Variants in CBR4 observed in about 807,000 individuals in gnomAD.
CBR4 encodes the protein 3-oxoacyl-[acyl-carrier-protein] reductase.
In CBR4, 22 loss-of-function variants were observed where a neutral mutation model predicts 21.0. The ratio of observed to expected loss-of-function variants is 1.05; its 90% CI spans 0.75 to 1.50. CBR4 has a LOEUF of 1.50. CBR4 is among the 40% of genes most tolerant of loss of function. The probability of loss-of-function intolerance (pLI) is 0.00; values close to 1 mark genes in which losing one functional copy is unlikely to be tolerated. For missense variants in CBR4, 302 were observed against 286.3 expected, an observed-to-expected ratio of 1.05 and a Z score of -0.40; for synonymous variants, 100 against 104.4, an observed-to-expected ratio of 0.96 and a Z score of 0.26.
intron 2 of CBR4, among the ~76,000 whole-genome samples, chr4:168,953,875 T>G (rs141358480): frequency 6.6e-6 from 1 of 152,214 alleles, no homozygotes; most frequent in African/African-American, 2.4e-5. Flanking sequence ...TATTATTAAT[T>G]TGTCCAAGCT....
chr4:168,898,929 T>C (rs953183377), intron 2 of CBR4, among the ~76,000 whole-genome samples: 1 of 152,176 alleles, frequency 6.6e-6, no homozygotes, highest in Non-Finnish European at 1.5e-5. Flanking sequence ...GTTTGAAGAA[T>C]AGAGAATAAC....
At chr4:168,984,446 AG>A (rs1165289551), downstream of CBR4, among the ~76,000 whole-genome samples, 4 of 151,872 alleles carry the variant, frequency 2.6e-5, no homozygotes, top group African/African-American at 4.8e-5. Context: ...GCTCATGGAT[AG>A]GAAGAATCAA....
At chr4:168,929,051 C>CAATGT (rs1762874535) in intron 2 of CBR4, among the ~76,000 whole-genome samples, 1 of 152,160 alleles carries the variant, frequency 6.6e-6, no homozygotes. Flanking sequence ...CCTGCCACAG[C>CAATGT]AATGTACTGT....
At chr4:168,921,835 A>C (rs1761571834) in intron 2 of CBR4, 1 of 971,872 alleles carries the variant, frequency 1.0e-6, no homozygotes, top group Non-Finnish European at 1.6e-6. Context: ...TACGGAAAAT[A>C]AAGTATTGAA....
At chr4:168,985,797 G>A (rs1377435724), downstream of CBR4, among the ~76,000 whole-genome samples, 2 of 152,156 alleles carry the variant, frequency 1.3e-5, no homozygotes, top group Admixed American at 6.5e-5. Context: ...ATGCAAAAAT[G>A]TGGCATTTGG....
chr4:168,926,035 C>T (rs1328563944), intron 2 of CBR4, among the ~76,000 whole-genome samples: 1 of 152,036 alleles, frequency 6.6e-6, no homozygotes, highest in Admixed American at 6.6e-5. Flanking sequence ...CCTGTATAGA[C>T]AGTAAATCTG....
At chr4:168,923,366 ATATC>A (rs973346329) in intron 2 of CBR4, among the ~76,000 whole-genome samples, 3 of 152,226 alleles carry the variant, frequency 2.0e-5, no homozygotes, top group African/African-American at 7.2e-5. Context: ...TTGCTGTGAT[ATATC>A]TGTCACTCCA....
chr4:169,004,432 C>T (rs1319423529), intron 3 of CBR4, among the ~76,000 whole-genome samples: 1 of 152,220 alleles, frequency 6.6e-6, no homozygotes, highest in African/African-American at 2.4e-5. Context: ...TCTTTGATAG[C>T]ATTTTATCCA....
chr4:168,950,001 C>T (rs1415432390), intron 2 of CBR4, among the ~76,000 whole-genome samples: 1 of 152,040 alleles, frequency 6.6e-6, no homozygotes, highest in Non-Finnish European at 1.5e-5. Context: ...TGGATTTTCT[C>T]TCTCCTTTTC....
chr4:168,926,610 T>C (rs961875963), intron 2 of CBR4: 11 of 446,520 alleles, frequency 2.5e-5, no homozygotes, highest in Non-Finnish European at 4.4e-5. Context: ...TACTGTCCAA[T>C]TTAAAACTTT....
At chr4:168,969,366 A>G (rs1764136734) in intron 2 of CBR4, among the ~76,000 whole-genome samples, 1 of 152,210 alleles carries the variant, frequency 6.6e-6, no homozygotes, top group Non-Finnish European at 1.5e-5. Context: ...AGAGATGCCT[A>G]TTCTCTAATC....
At chr4:169,006,456 G>A (rs917131237) in intron 3 of CBR4, among the ~76,000 whole-genome samples, 2 of 152,182 alleles carry the variant, frequency 1.3e-5, no homozygotes, top group Non-Finnish European at 2.9e-5. Context: ...AATCTAAGTG[G>A]TGGCCTCCAC....
At chr4:168,973,616 C>A (rs1286460529) in intron 2 of CBR4, among the ~76,000 whole-genome samples, 2 of 152,240 alleles carry the variant, frequency 1.3e-5, no homozygotes, top group African/African-American at 2.4e-5. Context: ...GCGTGAGCCA[C>A]CACACCCAGC....
chr4:168,965,649 G>A (rs1041322820), intron 2 of CBR4, among the ~76,000 whole-genome samples: 3 of 152,184 alleles, frequency 2.0e-5, no homozygotes, highest in Admixed American at 1.3e-4. Flanking sequence ...AAGCAACGAG[G>A]AAAGGATTCC....
intron 2 of CBR4, among the ~76,000 whole-genome samples, chr4:168,901,491 G>T (rs963194749): frequency 7.2e-5 from 11 of 152,142 alleles, no homozygotes; most frequent in Non-Finnish European, 5.9e-5. Context: ...AATAACTCAA[G>T]AACTGGCATT....
At chr4:168,996,294 C>G (rs563781548) in intron 4 of CBR4, among the ~76,000 whole-genome samples, 42 of 152,244 alleles carry the variant, frequency 2.8e-4, no homozygotes, top group South Asian at 8.3e-4. Flanking sequence ...AAGAGCCTCT[C>G]TTCATTTTCT....
intron 2 of CBR4, among the ~76,000 whole-genome samples, chr4:168,903,394 G>GCCTTCATAGAAGGCC (rs1756962941): frequency 6.6e-6 from 1 of 151,750 alleles, no homozygotes; most frequent in Admixed American, 6.6e-5. Flanking sequence ...AAGAAAAATG[G>GCCTTCATAGAAGGCC]CCTTCATAGA....
intron 2 of CBR4, among the ~76,000 whole-genome samples, chr4:168,964,174 T>C (rs969406805): frequency 3.3e-5 from 5 of 152,176 alleles, no homozygotes; most frequent in African/African-American, 4.8e-5. Flanking sequence ...ACTCTGACAA[T>C]ATCATTCAAC....
chr4:168,963,180 A>C (rs1763914072), intron 2 of CBR4, among the ~76,000 whole-genome samples: 2 of 152,210 alleles, frequency 1.3e-5, no homozygotes, highest in African/African-American at 2.4e-5. Context: ...TCAAGCCCTG[A>C]CTTAAATTGT....
Sources: allele counts gnomAD v4.1 joint callset (sites outside exome capture counted in the v4.1 genomes callset), GRCh38; gene constraint gnomAD v4.1.1; transcripts MANE v1.5; gene names NCBI Gene and HGNC (gene_info 2026-07-23, HGNC 2026-07-21).